Variants in NOL4 observed in about 807,000 individuals in gnomAD.
NOL4 encodes nucleolar protein 4, also known as cancer/testis antigen 125.
A neutral mutation model predicts 75.9 loss-of-function variants in NOL4; 17 were observed. That is an observed-to-expected ratio of 0.22 (90% CI 0.15 to 0.34). The LOEUF (loss-of-function observed/expected upper bound fraction) is 0.34. Ranked by LOEUF, NOL4 falls within the 10% of genes least tolerant of loss-of-function variation. NOL4 has a pLI of 1.00. For synonymous variants in NOL4, 292 were observed against 289.9 expected (o/e 1.01, Z -0.07); for missense variants, 614 against 793.5 (o/e 0.77, Z 2.72).
At chr18:34,022,436 T>C (rs918374785) in intron 5 of NOL4, among the ~76,000 whole-genome samples, 8 of 152,060 alleles carry the variant, frequency 5.3e-5, no homozygotes, top group Non-Finnish European at 1.0e-4. Flanking sequence ...CAAAATATTA[T>C]TTTAACATGA....
At chr18:33,968,790 T>A (rs1297441758) in intron 6 of NOL4, among the ~76,000 whole-genome samples, 2 of 152,084 alleles carry the variant, frequency 1.3e-5, no homozygotes, top group African/African-American at 4.8e-5. Context: ...TTTAAAAAAA[T>A]CTTCTAAGTG....
chr18:34,006,259 T>C (rs2074019766), intron 6 of NOL4, among the ~76,000 whole-genome samples: 1 of 152,094 alleles, frequency 6.6e-6, no homozygotes, highest in Non-Finnish European at 1.5e-5. Context: ...GAAAATGTAA[T>C]GGTTAATTTT....
At chr18:34,044,238 T>A (rs2076264077) in intron 5 of NOL4, among the ~76,000 whole-genome samples, 1 of 152,102 alleles carries the variant, frequency 6.6e-6, no homozygotes, top group Admixed American at 6.6e-5. Context: ...ATAATTATGA[T>A]CATTTCAGGA....
intron 6 of NOL4, among the ~76,000 whole-genome samples, chr18:33,995,358 A>C (rs1308527248): frequency 6.6e-6 from 1 of 151,716 alleles, no homozygotes; most frequent in Non-Finnish European, 1.5e-5. Context: ...AAACATCCTC[A>C]ACAAAATATT....
rs1599763622 is a variant in NOL4 at position 33,890,733 on chromosome 18, G to C, written c.1543-7309C>G. Among the ~76,000 whole-genome samples the C allele has an allele frequency of 2.0e-5, 3 of 152,042 alleles. No homozygotes were observed. In the East Asian group the frequency reaches 5.8e-4, roughly 29 times the overall value. On this transcript the variant is annotated intron_variant, in intron 9 of 10. Coordinates refer to ENST00000261592, the MANE Select transcript of NOL4 (RefSeq NM_003787.5). ...GATAGTAAGGGAGTTTAACTTATTA[G>C]ACATTAAAAATGATATTTCAACAAA... is the stretch of plus-strand genomic sequence containing the variant.
intron 5 of NOL4, among the ~76,000 whole-genome samples, chr18:34,088,850 T>TA (rs1323554594): frequency 1.3e-5 from 2 of 152,068 alleles, no homozygotes; most frequent in Admixed American, 6.6e-5. Context: ...ATTATAAACC[T>TA]AAAAAAGGCA....
intron 9 of NOL4, among the ~76,000 whole-genome samples, chr18:33,929,609 C>T (rs1302816891): frequency 6.6e-6 from 1 of 152,116 alleles, no homozygotes; most frequent in Non-Finnish European, 1.5e-5. Context: ...GAATATGATA[C>T]TATAAAGTGC....
intron 1 of NOL4, among the ~76,000 whole-genome samples, chr18:34,205,035 A>T (rs1220733297): frequency 6.6e-6 from 1 of 152,126 alleles, no homozygotes; most frequent in Non-Finnish European, 1.5e-5. Flanking sequence ...CCAGATTGTT[A>T]AGGCATTCCA....
chr18:34,165,013 T>G (rs1287233274), intron 1 of NOL4, among the ~76,000 whole-genome samples: 6 of 150,010 alleles, frequency 4.0e-5, no homozygotes, highest in Non-Finnish European at 8.9e-5. Context: ...ACACCGCATA[T>G]TCTCACTCAT....
intron 6 of NOL4, among the ~76,000 whole-genome samples, chr18:33,992,087 T>C (rs114204306): frequency 1.3e-5 from 2 of 151,690 alleles, no homozygotes; most frequent in African/African-American, 4.9e-5. Flanking sequence ...AGAATGGTTT[T>C]TATACTTTGG....
rs11877564 is a variant in NOL4 at position 33,891,657 on chromosome 18, C to T, written c.1543-8233G>A. Among the ~76,000 whole-genome samples, 962 of 152,224 alleles carry T rather than the reference C, an allele frequency of 6.3e-3. 9 individuals are homozygous for T. Among genetic ancestry groups the T allele is most frequent in the African/African-American group, 0.021 (880 of 41,558 alleles). Reference sequence around the variant, plus strand: ...GTATTTGGAAAATAACAATGAAATGCGCTTGCAGAAGAGTTTCTTATTGAT... The same window carrying T: ...GTATTTGGAAAATAACAATGAAATGTGCTTGCAGAAGAGTTTCTTATTGAT... On this transcript the variant is annotated intron_variant, in intron 9 of 10. Transcript: ENST00000261592.
At chr18:34,088,055 T>C (rs1342062082) in intron 5 of NOL4, among the ~76,000 whole-genome samples, 1 of 151,814 alleles carries the variant, frequency 6.6e-6, no homozygotes, top group Non-Finnish European at 1.5e-5. Context: ...ATAAATATAT[T>C]GGTAATATCT....
At chr18:34,205,826 A>C (rs1311141802) in intron 1 of NOL4, among the ~76,000 whole-genome samples, 14 of 152,138 alleles carry the variant, frequency 9.2e-5, no homozygotes, top group Admixed American at 9.2e-4. Context: ...GATACCTCAA[A>C]GTTACCAAGG....
intron 9 of NOL4, among the ~76,000 whole-genome samples, chr18:33,902,685 T>A (rs191945511): frequency 2.6e-4 from 39 of 152,230 alleles, no homozygotes; most frequent in African/African-American, 6.7e-4. Flanking sequence ...CTTTGAGTCC[T>A]TTTTTCATCA....
intron 1 of NOL4, among the ~76,000 whole-genome samples, chr18:34,169,303 T>C (rs2146251062): frequency 6.6e-6 from 1 of 152,110 alleles, no homozygotes; most frequent in Middle Eastern, 3.4e-3. Context: ...AGAAGTATTC[T>C]AAGCTCCTTA....
At chr18:34,198,662 A>C (rs1320806822) in intron 1 of NOL4, among the ~76,000 whole-genome samples, 2 of 151,884 alleles carry the variant, frequency 1.3e-5, no homozygotes, top group Non-Finnish European at 2.9e-5. Flanking sequence ...TGCTAGGTAC[A>C]GGTAAAATAC....
intron 5 of NOL4, among the ~76,000 whole-genome samples, chr18:34,072,563 A>G (rs1277003887): frequency 1.3e-5 from 2 of 152,192 alleles, no homozygotes; most frequent in Admixed American, 6.5e-5. Flanking sequence ...AAAGAAAAAG[A>G]CTATATATTT....
chr18:34,068,362 G>A (rs2077367968), intron 5 of NOL4, among the ~76,000 whole-genome samples: 1 of 152,150 alleles, frequency 6.6e-6, no homozygotes, highest in South Asian at 2.1e-4. Flanking sequence ...ACAATGCTAA[G>A]AGAATTGCTT....
intron 2 of NOL4, among the ~76,000 whole-genome samples, chr18:34,115,422 C>T (rs1358956001): frequency 6.6e-6 from 1 of 152,144 alleles, no homozygotes; most frequent in Non-Finnish European, 1.5e-5. Flanking sequence ...CCTCAGCCTC[C>T]TTGACTAGCT....
Sources: gnomAD v4.1 joint callset for allele counts (sites outside exome capture counted in the v4.1 genomes callset) on GRCh38, gnomAD v4.1.1 for gene constraint, MANE v1.5 for transcripts, NCBI Gene and HGNC (gene_info 2026-07-23, HGNC 2026-07-21) for gene names.